Variants in SFXN5 observed in about 807,000 individuals in gnomAD.
The protein encoded by SFXN5 is sideroflexin 5.
SFXN5 carries 43 observed loss-of-function variants against 50.2 expected under a neutral mutation model. The observed-to-expected ratio is 0.86, with a 90% CI of 0.67 to 1.11. The LOEUF is 1.11. Ranked by LOEUF, SFXN5 falls within the 50% of genes least tolerant of loss-of-function variation. SFXN5 has a pLI of 0.00. For synonymous variants in SFXN5, 203 were observed against 185.8 expected, an observed-to-expected ratio of 1.09 and a Z score of -0.75; for missense variants, 463 against 454.1, an observed-to-expected ratio of 1.02 and a Z score of -0.18.
intron 2 of SFXN5, chr2:73,041,485 T>A (rs1055286446): frequency 4.9e-6 from 1 of 205,038 alleles, no homozygotes; most frequent in Admixed American, 5.1e-5. Flanking sequence ...AGGTCAGGAG[T>A]TCGAGACCAG....
chr2:73,053,669 A>G (rs566063019), intron 2 of SFXN5: 10 of 152,346 alleles, frequency 6.6e-5, no homozygotes, highest in Admixed American at 2.6e-4. Flanking sequence ...AATTCCCTCA[A>G]GAGGAGTTTC....
chr2:73,022,327 A>G (rs916624722), intron 5 of SFXN5, among the ~76,000 whole-genome samples, 195 bp downstream of exon 5: 3 of 152,294 alleles, frequency 2.0e-5, no homozygotes, highest in South Asian at 2.1e-4. Flanking sequence ...AAAGGCAGGT[A>G]AGCTCCATAG....
chr2:73,045,033 C>T (rs150864915), intron 2 of SFXN5, among the ~76,000 whole-genome samples: 5 of 152,298 alleles, frequency 3.3e-5, no homozygotes, highest in East Asian at 1.9e-4. Flanking sequence ...GAAGAGTCAT[C>T]GGAAGCAAAA....
intron 6 of SFXN5, among the ~76,000 whole-genome samples, chr2:73,012,095 T>C (rs1675573392): frequency 6.6e-6 from 1 of 152,302 alleles, no homozygotes. Context: ...CATAGATAAA[T>C]AAGTATATTG....
chr2:73,032,658 C>T (rs969154930), intron 3 of SFXN5, among the ~76,000 whole-genome samples: 1 of 152,200 alleles, frequency 6.6e-6, no homozygotes, highest in Non-Finnish European at 1.5e-5. Context: ...CAGCCCCACC[C>T]CCAATCTGGC....
chr2:72,945,701 C>T lies in SFXN5; in HGVS notation c.946-602G>A, dbSNP rs1179179685. 2.0e-5 allele frequency among the ~76,000 whole-genome samples: 3 copies of T among 152,128 alleles called. No individual in the cohort carries two copies. The highest frequency in any genetic ancestry group is 4.8e-5 in the African/African-American group (2 of 41,428). ...TAGCCCAAGGGTCCCTCCCACGCTGCTGGCAGAAGCCCTGCTTCGGAGAAC... is the reference window on the plus strand; with the variant it reads ...TAGCCCAAGGGTCCCTCCCACGCTGTTGGCAGAAGCCCTGCTTCGGAGAAC... On this transcript the variant is annotated intron_variant, in intron 13 of 13. Coordinates refer to ENST00000272433, the MANE Select transcript of SFXN5 (RefSeq NM_144579.3). The surrounding 1 kb of genome is among the most constrained non-coding windows in gnomAD (Gnocchi z 5.8).
At chr2:72,976,240 TATA>T (rs1670604446) in intron 10 of SFXN5, among the ~76,000 whole-genome samples, 2 of 152,148 alleles carry the variant, frequency 1.3e-5, no homozygotes, top group South Asian at 4.1e-4. Context: ...CAGAATTTTC[TATA>T]ATATTTAAAT....
intron 3 of SFXN5, among the ~76,000 whole-genome samples, chr2:73,027,218 T>C (rs1559172514): frequency 6.6e-6 from 1 of 152,204 alleles, no homozygotes; most frequent in Non-Finnish European, 1.5e-5. Flanking sequence ...GACAGTGATA[T>C]TGATGATCCT....
intron 3 of SFXN5, among the ~76,000 whole-genome samples, chr2:73,026,885 T>C (rs989615337): frequency 2.6e-5 from 4 of 152,080 alleles, no homozygotes; most frequent in Non-Finnish European, 5.9e-5. Context: ...CCCACCACCA[T>C]GTCCAGCTAA....
rs994745661 is a variant in SFXN5 at position 73,058,512 on chromosome 2, G to C, written c.171+16C>G. On this transcript the variant is annotated intron_variant, in intron 2 of 13. Coordinates refer to ENST00000272433, the MANE Select transcript of SFXN5 (RefSeq NM_144579.3). ...ACAAAGGCCCAAGGGCCACTGAGGT[G>C]ACAGCCATGACTTACCTCAGTGACA... The C allele has an allele frequency of 6.8e-6, 11 of 1,612,616 alleles. No homozygotes were observed. The highest frequency in any genetic ancestry group is 8.5e-6 in the Non-Finnish European group (10 of 1,178,764).
intron 11 of SFXN5, among the ~76,000 whole-genome samples, chr2:72,969,631 G>C (rs1363378564): frequency 1.3e-5 from 2 of 151,986 alleles, no homozygotes; most frequent in East Asian, 3.9e-4. Context: ...CCTGACGTCA[G>C]GTGATCCACC....
At position 72,950,176 on chromosome 2, in the gene SFXN5, A is replaced by C. The variant is rs938661848; in HGVS notation, c.946-5077T>G. On this transcript the variant is annotated intron_variant, in intron 13 of 13. Coordinates refer to ENST00000272433, the MANE Select transcript of SFXN5 (RefSeq NM_144579.3). The surrounding 1 kb of genome is among the most constrained non-coding windows in gnomAD (Gnocchi z 4.2). The stretch of plus-strand genomic sequence containing the variant: ...ATTTGAAGGGCAAGCGGAGGGAACA[A>C]GCCTGTGATGGTGGCCTTGGGGGAC... 6.6e-6 allele frequency among the ~76,000 whole-genome samples: 1 copy of C among 152,162 alleles called. No individual in the cohort carries two copies. Among genetic ancestry groups the C allele is most frequent in the African/African-American group, 2.4e-5 (1 of 41,428 alleles).
rs1559137956 is a variant in SFXN5, at chr2:72,998,969, T to G, written c.514A>C (p.Ile172Leu). The change falls in exon 9 of 14, where the codon ATC becomes CTC. Residue 172 changes from isoleucine (I) to leucine (L), a missense_variant. Physicochemically the swap from Ile to Leu is conservative, Grantham distance 5. Coordinates refer to ENST00000272433, the MANE Select transcript of SFXN5 (RefSeq NM_144579.3). ...KFIQGYLGAV[I>L]SAVSIAVGLN... ...CTCACAGCAATGGAGACGGCGCTGA[T>G]GACAGCTCCCAGGTATCCCTGGATG... 6.2e-7 allele frequency: 1 copy of G among 1,614,126 alleles called. No homozygotes were observed. The highest frequency in any genetic ancestry group is 1.7e-5 in the Admixed American group (1 of 60,010).
intron 12 of SFXN5, among the ~76,000 whole-genome samples, chr2:72,962,699 C>A (rs1037536840): frequency 6.6e-6 from 1 of 152,204 alleles, no homozygotes; most frequent in African/African-American, 2.4e-5. Flanking sequence ...TGGCCTGGCA[C>A]ACAGTAAGTG....
At chr2:73,036,254 G>C (rs1678961946) in intron 3 of SFXN5, among the ~76,000 whole-genome samples, 1 of 152,190 alleles carries the variant, frequency 6.6e-6, no homozygotes, top group African/African-American at 2.4e-5. Context: ...CTCTGCTCCT[G>C]TGTCTGCAGA....
At position 72,944,275 on chromosome 2, in the gene SFXN5, T is replaced by A. The variant is rs1321042041; in HGVS notation, c.*747A>T. On this transcript the variant is annotated 3_prime_UTR_variant, in exon 14 of 14. Coordinates refer to ENST00000272433, the MANE Select transcript of SFXN5 (RefSeq NM_144579.3). ...CTGGGGTCACTTCAGGGGCCCTGAATCAGTTAGAGCTCCACGAAGGGGGAC... is the reference window on the plus strand; with the variant it reads ...CTGGGGTCACTTCAGGGGCCCTGAAACAGTTAGAGCTCCACGAAGGGGGAC... 1 of 152,178 alleles carries A rather than the reference T, an allele frequency of 6.6e-6. No individual in the cohort carries two copies. The highest frequency in any genetic ancestry group is 6.5e-5 in the Admixed American group (1 of 15,276). 9.4% of individuals were successfully genotyped at this position (152,178 alleles called of 1,614,324 possible).
intron 9 of SFXN5, among the ~76,000 whole-genome samples, chr2:72,993,492 C>G (rs1201083384): frequency 6.6e-6 from 1 of 152,184 alleles, no homozygotes; most frequent in Non-Finnish European, 1.5e-5. Flanking sequence ...GAACCATGCC[C>G]CACAAGGGCC....
intron 10 of SFXN5, among the ~76,000 whole-genome samples, chr2:72,982,290 C>T (rs1474662629): frequency 6.6e-6 from 1 of 152,176 alleles, no homozygotes; most frequent in Non-Finnish European, 1.5e-5. Context: ...CCACCCTAGG[C>T]CTGCTGACTA....
At chr2:73,059,276 C>T (rs1682551016) in intron 1 of SFXN5, 3 of 985,614 alleles carry the variant, frequency 3.0e-6, no homozygotes, top group South Asian at 9.4e-5. Flanking sequence ...GCCTTCTGCC[C>T]TGGGGACTAA....
Sources: allele counts gnomAD v4.1 joint callset (sites outside exome capture counted in the v4.1 genomes callset), GRCh38; gene constraint gnomAD v4.1.1; non-coding constraint Gnocchi (gnomAD v3.1); transcripts MANE v1.5; gene names NCBI Gene and HGNC (gene_info 2026-07-23, HGNC 2026-07-21).